The following LRP1B variants were observed in gnomAD, a reference collection of about 807,000 sequenced individuals.
LRP1B encodes the protein low-density lipoprotein receptor-related protein 1B.
A neutral mutation model predicts 556.6 loss-of-function variants in LRP1B; 217 were observed. The ratio of observed to expected loss-of-function variants is 0.39; its 90% confidence interval spans 0.35 to 0.44. The LOEUF (loss-of-function observed/expected upper bound fraction) is 0.44. Ranked by LOEUF, LRP1B falls within the 20% of genes least tolerant of loss-of-function variation. The pLI, the probability that LRP1B is intolerant of heterozygous loss-of-function variation, is 1.00. For synonymous variants in LRP1B, 2,047 were observed against 1,865.8 expected, an observed-to-expected ratio of 1.10 and a Z score of -2.50; for missense variants, 5,053 against 5,620.8, an observed-to-expected ratio of 0.90 and a Z score of 3.23.
chr2:141,298,324 G>A lies in LRP1B; in HGVS notation c.344-43683C>T, dbSNP rs149615859. ...ATGCCTGATAGGAATGTCTATTTAA[G>A]GCAGGGGCTGGCCACTCTAGAAAAA... On this transcript the variant is annotated intron_variant, in intron 3 of 90. Coordinates refer to ENST00000389484, the MANE Select transcript of LRP1B (RefSeq NM_018557.3). Among the ~76,000 whole-genome samples, 512 of 152,238 alleles carry A rather than the reference G, an allele frequency of 3.4e-3. 3 individuals carry two copies. Among genetic ancestry groups the A allele is most frequent in the African/African-American group, 0.012 (487 of 41,526 alleles).
intron 1 of LRP1B, among the ~76,000 whole-genome samples, chr2:141,984,319 T>G (rs1702124591): frequency 1.3e-5 from 2 of 151,692 alleles, no homozygotes; most frequent in South Asian, 2.1e-4. Flanking sequence ...AATAAAAATT[T>G]GGGAAAGGGG....
chr2:140,242,366 T>C (rs950742148), intron 87 of LRP1B, among the ~76,000 whole-genome samples: 2 of 151,160 alleles, frequency 1.3e-5, no homozygotes, highest in African/African-American at 4.8e-5. Context: ...CAGTTTGTTT[T>C]TGAGATATTT....
chr2:141,169,783 A>G (rs1016077843), intron 7 of LRP1B, among the ~76,000 whole-genome samples: 1 of 132,124 alleles, frequency 7.6e-6, no homozygotes, highest in Admixed American at 8.5e-5. Flanking sequence ...TCTCCAGTGC[A>G]CCTCCCACAC....
At chr2:141,079,888 C>T (rs1255573934) in intron 7 of LRP1B, among the ~76,000 whole-genome samples, 1 of 152,126 alleles carries the variant, frequency 6.6e-6, no homozygotes, top group East Asian at 1.9e-4. Flanking sequence ...AATTTGAGAG[C>T]AAGGACTATA....
At chr2:141,474,668 G>T (rs1162538918) in intron 3 of LRP1B, among the ~76,000 whole-genome samples, 3 of 152,136 alleles carry the variant, frequency 2.0e-5, no homozygotes, top group Non-Finnish European at 4.4e-5. Context: ...GGAGTTGGTT[G>T]TTATATAAGG....
intron 4 of LRP1B, among the ~76,000 whole-genome samples, chr2:141,251,031 T>C (rs1351801111): frequency 6.6e-6 from 1 of 152,214 alleles, no homozygotes; most frequent in Non-Finnish European, 1.5e-5. Flanking sequence ...ACAAATTGTC[T>C]TGTTTGCATG....
chr2:141,323,431 T>C (rs570357472), intron 3 of LRP1B, among the ~76,000 whole-genome samples: 1 of 152,266 alleles, frequency 6.6e-6, no homozygotes, highest in South Asian at 2.1e-4. Context: ...TTCAAAAATA[T>C]ATAAAATATC....
At chr2:141,973,997 C>T (rs72852553) in intron 1 of LRP1B, among the ~76,000 whole-genome samples, 10,058 of 151,858 alleles carry the variant, frequency 0.066, 508 homozygotes, top group Non-Finnish European at 0.096. Context: ...TTGAATTTGC[C>T]TTTCCACCCC....
At chr2:141,108,739 T>C in intron 7 of LRP1B, among the ~76,000 whole-genome samples, 1 of 152,134 alleles carries the variant, frequency 6.6e-6, no homozygotes, top group East Asian at 1.9e-4. Context: ...GTTAGAAAAA[T>C]ACTAAAAAAG....
At chr2:141,064,473 A>C (rs1699426792) in intron 7 of LRP1B, among the ~76,000 whole-genome samples, 1 of 151,922 alleles carries the variant, frequency 6.6e-6, no homozygotes, top group South Asian at 2.1e-4. Context: ...AAACGGATTG[A>C]GATAACTCTC....
At chr2:141,256,386 A>C (rs1339352045) in intron 3 of LRP1B, among the ~76,000 whole-genome samples, 2 of 151,928 alleles carry the variant, frequency 1.3e-5, no homozygotes, top group African/African-American at 2.4e-5. Flanking sequence ...AAAAAAAATG[A>C]GAGCGAGACT....
chr2:140,509,059 C>A (rs559270936), intron 52 of LRP1B, among the ~76,000 whole-genome samples: 26 of 125,876 alleles, frequency 2.1e-4, no homozygotes, highest in Admixed American at 2.8e-4. Context: ...CGTACATACC[C>A]CTGCACACAC....
At position 141,217,051 on chromosome 2, in the gene LRP1B, C is replaced by T. The variant is rs770639893; in HGVS notation, c.850+12132G>A. On this transcript the variant is annotated intron_variant, in intron 6 of 90. Coordinates refer to ENST00000389484, the MANE Select transcript of LRP1B (RefSeq NM_018557.3). ...ATCGTATTTTGCAATGTGAGAAGAA[C>T]GTGAGATTTGAGAGACCAGGAGAGG... Among the ~76,000 whole-genome samples the T allele has an allele frequency of 3.9e-5, 6 of 152,184 alleles. No individual in the cohort carries two copies. The East Asian group carries it at 1.2e-3, about 29-fold the overall frequency.
intron 2 of LRP1B, among the ~76,000 whole-genome samples, chr2:141,574,179 C>T (rs747865898): frequency 6.6e-6 from 1 of 152,114 alleles, no homozygotes; most frequent in Admixed American, 6.6e-5. Flanking sequence ...TGAAGAACAT[C>T]AATGCGAAAA....
intron 41 of LRP1B, among the ~76,000 whole-genome samples, chr2:140,678,551 C>A (rs960802229): frequency 6.6e-6 from 1 of 152,110 alleles, no homozygotes; most frequent in Non-Finnish European, 1.5e-5. Flanking sequence ...ATGTATTCTA[C>A]ATATAACTTA....
chr2:141,612,545 G>A (rs1410139923), intron 2 of LRP1B, among the ~76,000 whole-genome samples: 1 of 152,192 alleles, frequency 6.6e-6, no homozygotes, highest in African/African-American at 2.4e-5. Context: ...ATATTGCAAA[G>A]CAGTTGGGAT....
chr2:141,644,364 C>T (rs1689469008), intron 2 of LRP1B, among the ~76,000 whole-genome samples: 1 of 151,984 alleles, frequency 6.6e-6, no homozygotes, highest in Admixed American at 6.6e-5. Context: ...TCTCTTGCTG[C>T]CCCATGTAAG....
intron 6 of LRP1B, among the ~76,000 whole-genome samples, chr2:141,204,163 T>C (rs1352014741): frequency 6.6e-6 from 1 of 152,190 alleles, no homozygotes; most frequent in Non-Finnish European, 1.5e-5. Flanking sequence ...ACTCACTTGA[T>C]TTGTCAAAAT....
chr2:140,802,722 C>A (rs1232312505), intron 32 of LRP1B, among the ~76,000 whole-genome samples: 1 of 151,976 alleles, frequency 6.6e-6, no homozygotes, highest in East Asian at 1.9e-4. Context: ...AATTACTTTG[C>A]TGTTATTTCT....
Sources: gnomAD v4.1 joint callset for allele counts (sites outside exome capture counted in the v4.1 genomes callset) on GRCh38, gnomAD v4.1.1 for gene constraint, MANE v1.5 for transcripts, NCBI Gene and HGNC (gene_info 2026-07-23, HGNC 2026-07-21) for gene names.